Variants in UGT1A9 observed in about 807,000 individuals in gnomAD.
UGT1A9 encodes UDP-glucuronosyltransferase 1A9.
UGT1A9 carries 35 observed loss-of-function variants against 45.0 expected under a neutral mutation model. The ratio of observed to expected loss-of-function variants is 0.78; its 90% CI spans 0.59 to 1.03. The LOEUF (loss-of-function observed/expected upper bound fraction) is 1.03, where lower values mean the gene tolerates loss of function less well. Among genes scored for constraint, UGT1A9 ranks in the 50% least tolerant of loss-of-function variants. The probability of loss-of-function intolerance (pLI) is 0.00; values close to 1 mark genes in which losing one functional copy is unlikely to be tolerated. For synonymous variants in UGT1A9, 278 were observed against 250.6 expected (o/e 1.11, Z -1.03); for missense variants, 687 against 666.6 (o/e 1.03, Z -0.34).
In UGT1A9 at chr2:233,684,583, G is replaced by A. The variant is rs539348437; in HGVS notation, c.855+11794G>A. ...AGATCTATAAAATATGAAACATTGA[G>A]CCATATATAGTTTTACATATTTTGG... is the stretch of plus-strand genomic sequence containing the variant. On this transcript the variant is annotated intron_variant, in intron 1 of 4. Transcript: ENST00000354728. Among the ~76,000 whole-genome samples the A allele has an allele frequency of 7.1e-4, 108 of 152,230 alleles. 1 individual carries two copies. Among genetic ancestry groups the A allele is most frequent in the African/African-American group, 2.3e-3 (97 of 41,552 alleles).
At chr2:233,699,296 C>A (rs2075497064) in intron 1 of UGT1A9, among the ~76,000 whole-genome samples, 1 of 152,170 alleles carries the variant, frequency 6.6e-6, no homozygotes, top group Admixed American at 6.5e-5. Context: ...CTGGGACACT[C>A]TTATGCTGTC....
intron 1 of UGT1A9, among the ~76,000 whole-genome samples, chr2:233,751,639 C>T (rs967910288): frequency 6.6e-6 from 1 of 152,174 alleles, no homozygotes; most frequent in African/African-American, 2.4e-5. Context: ...CAGTTTCCCC[C>T]TTGCTGTTCT....
At chr2:233,752,726 CAGAG>C in intron 1 of UGT1A9, among the ~76,000 whole-genome samples, 1 of 152,282 alleles carries the variant, frequency 6.6e-6, no homozygotes, top group East Asian at 1.9e-4. Context: ...GCAACAGCTA[CAGAG>C]AGAGACCCTG....
At chr2:233,693,141 T>C in intron 1 of UGT1A9, 1 of 1,614,174 alleles carries the variant, frequency 6.2e-7, no homozygotes, top group Non-Finnish European at 8.5e-7. Context: ...AAGGATATAG[T>C]TGAGGTTCTC....
intron 1 of UGT1A9, chr2:233,761,153 T>C (rs772088902): frequency 6.2e-7 from 1 of 1,614,188 alleles, no homozygotes; most frequent in Non-Finnish European, 8.5e-7. Flanking sequence ...CTATCCCAGG[T>C]GTGTATTGGA....
intron 1 of UGT1A9, among the ~76,000 whole-genome samples, chr2:233,697,158 A>G (rs1026412563): frequency 6.6e-6 from 1 of 152,018 alleles, no homozygotes; most frequent in Non-Finnish European, 1.5e-5. Flanking sequence ...AACTGGTATT[A>G]ATTCTTTTAA....
chr2:233,676,120 C>T (rs1029449895), intron 1 of UGT1A9, among the ~76,000 whole-genome samples: 3 of 152,070 alleles, frequency 2.0e-5, no homozygotes, highest in Admixed American at 6.6e-5. Flanking sequence ...AACAGAAGAC[C>T]CACCCTGGGG....
At chr2:233,734,764 G>A (rs902615341) in intron 1 of UGT1A9, among the ~76,000 whole-genome samples, 11 of 152,078 alleles carry the variant, frequency 7.2e-5, no homozygotes, top group African/African-American at 2.2e-4. Flanking sequence ...CCTTCACTTC[G>A]TTATTTACCC....
At chr2:233,734,025 G>A (rs2078469594) in intron 1 of UGT1A9, among the ~76,000 whole-genome samples, 1 of 152,102 alleles carries the variant, frequency 6.6e-6, no homozygotes, top group East Asian at 1.9e-4. Context: ...GTTAATGGGT[G>A]CAGCACACCA....
chr2:233,764,085 G>T (rs1214257017), intron 1 of UGT1A9, among the ~76,000 whole-genome samples: 1 of 152,154 alleles, frequency 6.6e-6, no homozygotes, highest in African/African-American at 2.4e-5. Flanking sequence ...CTAATTAAAA[G>T]CCTAAACTAA....
intron 1 of UGT1A9, among the ~76,000 whole-genome samples, chr2:233,705,647 C>G (rs1279287310): frequency 6.6e-6 from 1 of 152,122 alleles, no homozygotes; most frequent in Non-Finnish European, 1.5e-5. Flanking sequence ...AGTTGAAGGT[C>G]TTCTCATAAA....
chr2:233,733,177 G>T (rs2078363766), intron 1 of UGT1A9, among the ~76,000 whole-genome samples: 1 of 152,226 alleles, frequency 6.6e-6, no homozygotes, highest in Non-Finnish European at 1.5e-5. Flanking sequence ...GGACTTTGCT[G>T]AAGTTGCTTA....
Position 233,689,262 on chromosome 2 carries a change from G to A in UGT1A9, c.855+16473G>A, listed in dbSNP as rs575130382. Among the ~76,000 whole-genome samples the A allele has an allele frequency of 5.8e-4, 89 of 152,272 alleles. 1 individual carries two copies. The highest frequency in any genetic ancestry group is 1.9e-3 in the African/African-American group (78 of 41,550). On this transcript the variant is annotated intron_variant, in intron 1 of 4. Coordinates refer to ENST00000354728, the MANE Select transcript of UGT1A9 (RefSeq NM_021027.3). The stretch of plus-strand genomic sequence containing the variant: ...TGTGAGTGATTCAGACTTGACTATT[G>A]TTATCATACTAAACTAAACTGGGGT...
intron 1 of UGT1A9, among the ~76,000 whole-genome samples, chr2:233,706,049 C>T (rs1298808195): frequency 6.6e-6 from 1 of 152,134 alleles, no homozygotes; most frequent in Admixed American, 6.5e-5. Context: ...GAGCCGAGAT[C>T]ACGCCACTGC....
At position 233,752,043 on chromosome 2, in the gene UGT1A9, T is replaced by C. The variant is rs1333661781; in HGVS notation, c.856-14991T>C. Among the ~76,000 whole-genome samples the C allele has an allele frequency of 2.0e-5, 3 of 152,216 alleles. No homozygotes were observed. The South Asian group carries it at 6.2e-4, about 32-fold the overall frequency. ...AGAAATTCCTAGAAAGGTAAGCTGT[T>C]GTGTGAATGATTTCCCGAGATGGGG... On this transcript the variant is annotated intron_variant, in intron 1 of 4. Coordinates refer to ENST00000354728, the MANE Select transcript of UGT1A9 (RefSeq NM_021027.3).
intron 1 of UGT1A9, among the ~76,000 whole-genome samples, chr2:233,696,738 T>C (rs1269588837): frequency 6.6e-6 from 1 of 152,214 alleles, no homozygotes; most frequent in East Asian, 1.9e-4. Context: ...TTTACCCTTT[T>C]CAGTATGATG....
At chr2:233,684,767 A>C (rs1046318119) in intron 1 of UGT1A9, among the ~76,000 whole-genome samples, 1 of 152,300 alleles carries the variant, frequency 6.6e-6, no homozygotes, top group East Asian at 1.9e-4. Context: ...TCAGATCATA[A>C]AGAGTGCCCT....
chr2:233,693,835 C>G lies in UGT1A9; in HGVS notation c.855+21046C>G, dbSNP rs764583792. ...CCAACATGGTCTTCATTGGAGGTAT[C>G]AACTGTAAGAAGAGGAAAGACTTGT... is the stretch of plus-strand genomic sequence containing the variant. On this transcript the variant is annotated intron_variant, in intron 1 of 4. Transcript: ENST00000354728. 8 of 1,614,056 alleles carry G rather than the reference C, an allele frequency of 5.0e-6. No homozygotes were observed. The East Asian group carries it at 1.6e-4, about 31-fold the overall frequency.
At chr2:233,690,827 G>A in intron 1 of UGT1A9, 1 of 1,065,762 alleles carries the variant, frequency 9.4e-7, no homozygotes, top group Non-Finnish European at 1.1e-6. Context: ...AAAGCTCACA[G>A]GAGAAAGAAA....
Sources: allele counts gnomAD v4.1 joint callset (sites outside exome capture counted in the v4.1 genomes callset), GRCh38; gene constraint gnomAD v4.1.1; transcripts MANE v1.5; gene names NCBI Gene and HGNC (gene_info 2026-07-23, HGNC 2026-07-21).